Variants in PCSK5 observed in about 807,000 individuals in gnomAD.
PCSK5 encodes the protein prohormone convertase 5.
Under a neutral mutation model 233.2 loss-of-function variants are expected in PCSK5, and 129 were observed. That is an observed-to-expected ratio of 0.55 (90% CI 0.48 to 0.64). PCSK5 has a LOEUF of 0.64. Ranked by LOEUF, PCSK5 falls within the 30% of genes least tolerant of loss-of-function variation. The pLI is 0.00. For missense variants in PCSK5, 2,076 were observed against 2,430.1 expected (o/e 0.85, Z 3.06); for synonymous variants, 825 against 879.2 (o/e 0.94, Z 1.09).
chr9:75,929,791 A>G (rs1823693421), intron 1 of PCSK5, among the ~76,000 whole-genome samples: 1 of 152,068 alleles, frequency 6.6e-6, no homozygotes, highest in Non-Finnish European at 1.5e-5. Flanking sequence ...CACGTCTCAC[A>G]TGACAGCAGA....
chr9:76,047,339 G>A (rs565630813), intron 5 of PCSK5, among the ~76,000 whole-genome samples: 29 of 152,138 alleles, frequency 1.9e-4, no homozygotes, highest in Non-Finnish European at 2.8e-4. Context: ...GTTGTGATCC[G>A]CGCGCCTCGG....
intron 2 of PCSK5, among the ~76,000 whole-genome samples, chr9:75,952,524 A>G (rs554001940): frequency 9.8e-5 from 15 of 152,290 alleles, no homozygotes; most frequent in African/African-American, 3.6e-4. Flanking sequence ...AATTTTGACA[A>G]ATGTATATAG....
intron 1 of PCSK5, among the ~76,000 whole-genome samples, chr9:75,902,312 C>T (rs1587334800): frequency 6.9e-6 from 1 of 144,770 alleles, no homozygotes; most frequent in African/African-American, 2.6e-5. Context: ...CTCTGGGAAA[C>T]TAGGAGGCAA....
At chr9:76,007,091 T>G (rs1318346451) in intron 3 of PCSK5, among the ~76,000 whole-genome samples, 1 of 152,246 alleles carries the variant, frequency 6.6e-6, no homozygotes, top group East Asian at 1.9e-4. Flanking sequence ...GTTGAATCAC[T>G]TCTCTCTCAG....
chr9:76,326,709 C>T (rs1180547246), intron 32 of PCSK5, among the ~76,000 whole-genome samples: 1 of 152,136 alleles, frequency 6.6e-6, no homozygotes, highest in Non-Finnish European at 1.5e-5. Flanking sequence ...TGCTATGTGC[C>T]GTGTGCTCTT....
chr9:76,169,026 T>A (rs1823214169), intron 12 of PCSK5, among the ~76,000 whole-genome samples: 1 of 152,208 alleles, frequency 6.6e-6, no homozygotes, highest in Non-Finnish European at 1.5e-5. Context: ...TATATCATGG[T>A]ATGTATTAGT....
At chr9:76,299,237 C>A (rs931779366) in intron 27 of PCSK5, among the ~76,000 whole-genome samples, 1 of 152,174 alleles carries the variant, frequency 6.6e-6, no homozygotes, top group Non-Finnish European at 1.5e-5. Context: ...ACTAAGTAAT[C>A]AAAGATTGTG....
chr9:76,103,504 G>A (rs1220456499), intron 8 of PCSK5, among the ~76,000 whole-genome samples: 2 of 152,088 alleles, frequency 1.3e-5, no homozygotes, highest in African/African-American at 4.8e-5. Context: ...ACATCAACAG[G>A]CTAAAATCAA....
chr9:75,963,651 C>T (rs1027438037), intron 2 of PCSK5, among the ~76,000 whole-genome samples: 9 of 152,162 alleles, frequency 5.9e-5, no homozygotes, highest in African/African-American at 1.7e-4. Flanking sequence ...GAGGCCGAGG[C>T]GGGCGGATCA....
chr9:76,299,651 A>G (rs1828545125), intron 27 of PCSK5, among the ~76,000 whole-genome samples: 1 of 152,154 alleles, frequency 6.6e-6, no homozygotes, highest in African/African-American at 2.4e-5. Context: ...CAGCCTGGGC[A>G]ACAGAGAGAC....
At chr9:76,068,179 C>T (rs757174639) in intron 6 of PCSK5, 136 bp downstream of exon 6, 7 of 592,856 alleles carry the variant, frequency 1.2e-5, no homozygotes, top group Admixed American at 2.8e-5. Flanking sequence ...TATTGCTGGC[C>T]CCAACATGAC....
intron 1 of PCSK5, among the ~76,000 whole-genome samples, chr9:75,927,141 A>T (rs995327299): frequency 1.5e-4 from 23 of 152,130 alleles, no homozygotes; most frequent in African/African-American, 5.3e-4. Context: ...CTGTCTTGTT[A>T]ATGTTAGCCA....
At chr9:75,985,939 C>T (rs1454486796) in intron 2 of PCSK5, among the ~76,000 whole-genome samples, 193 bp from the exon 3 acceptor site, 1 of 151,924 alleles carries the variant, frequency 6.6e-6, no homozygotes, top group Non-Finnish European at 1.5e-5. Context: ...CACCTGCTTG[C>T]ATTAAACAAA....
At chr9:76,115,432 G>A (rs992236514) in intron 9 of PCSK5, among the ~76,000 whole-genome samples, 1 of 152,108 alleles carries the variant, frequency 6.6e-6, no homozygotes, top group African/African-American at 2.4e-5. Flanking sequence ...TAAACAGAGT[G>A]TTAGCAAATT....
intron 12 of PCSK5, among the ~76,000 whole-genome samples, chr9:76,159,979 TG>T (rs1822782868): frequency 1.3e-5 from 2 of 151,908 alleles, no homozygotes; most frequent in African/African-American, 4.8e-5. Context: ...TGCCCCACCA[TG>T]CCTGGCTAGT....
At chr9:76,324,368 T>TTA (rs1484847813) in intron 32 of PCSK5, among the ~76,000 whole-genome samples, 2 of 151,822 alleles carry the variant, frequency 1.3e-5, no homozygotes, top group Non-Finnish European at 1.5e-5. Context: ...GTAGCTGGGA[T>TTA]TATAGGTGGC....
chr9:76,139,267 G>A (rs779202242), intron 10 of PCSK5, among the ~76,000 whole-genome samples: 2 of 152,116 alleles, frequency 1.3e-5, no homozygotes, highest in Non-Finnish European at 2.9e-5. Flanking sequence ...TTTGAGTTGT[G>A]TTTTGAGTAT....
At chr9:76,181,263 T>C in intron 15 of PCSK5, 135 bp from the exon 16 acceptor site, 1 of 667,848 alleles carries the variant, frequency 1.5e-6, no homozygotes, top group Non-Finnish European at 2.5e-6. Context: ...TCTGGCTCTC[T>C]GGATGTGGTG....
Position 75,986,233 on chromosome 9 carries a change from C to T in PCSK5, c.399C>T (p.Ser133=), listed in dbSNP as rs201488795. The change falls in exon 3 of 38, where the codon AGC becomes AGT. Residue 133 remains serine, a synonymous_variant. Coordinates refer to ENST00000674117, the MANE Select transcript of PCSK5 (RefSeq NM_001372043.1). ...ATTTCAATGATCCCAAGTGGCCCAG[C>T]ATGTGGTATATGGTAAGCTTGCTAA... ...STYFNDPKWP[S]MWYMHCSDNT... 6.3e-7 allele frequency: 1 copy of T among 1,598,788 alleles called. No individual in the cohort carries two copies. Among genetic ancestry groups the T allele is most frequent in the East Asian group, 2.2e-5 (1 of 44,820 alleles).
Sources: allele counts gnomAD v4.1 joint callset (sites outside exome capture counted in the v4.1 genomes callset), GRCh38; gene constraint gnomAD v4.1.1; transcripts MANE v1.5; gene names NCBI Gene and HGNC (gene_info 2026-07-23, HGNC 2026-07-21).